Variants in STRN3 observed in about 807,000 individuals in gnomAD.
The protein encoded by STRN3 is striatin-3.
A neutral mutation model predicts 95.6 loss-of-function variants in STRN3; 29 were observed. That is an observed-to-expected ratio of 0.30 (90% CI 0.23 to 0.41). The LOEUF (loss-of-function observed/expected upper bound fraction) is 0.41, where lower values mean the gene tolerates loss of function less well. STRN3 is among the 10% of genes least tolerant of loss of function. STRN3 has a pLI of 1.00. For missense variants in STRN3, 890 were observed against 972.1 expected (o/e 0.92, Z 1.12); for synonymous variants, 331 against 357.6 (o/e 0.93, Z 0.84).
At chr14:30,965,913 T>C (rs1566462644) in intron 1 of STRN3, among the ~76,000 whole-genome samples, 1 of 152,180 alleles carries the variant, frequency 6.6e-6, no homozygotes, top group Non-Finnish European at 1.5e-5. Context: ...CTTTGCCTTC[T>C]ACTTTTAAAC....
intron 3 of STRN3, among the ~76,000 whole-genome samples, chr14:30,953,397 T>G (rs1010302138): frequency 4.6e-5 from 7 of 152,234 alleles, no homozygotes; most frequent in African/African-American, 1.7e-4. Context: ...CAGTTTTATG[T>G]GATTAAACCA....
chr14:30,917,577 A>G lies in STRN3; in HGVS notation c.1240+1389T>C, dbSNP rs1397581758. 2.0e-5 allele frequency among the ~76,000 whole-genome samples: 3 copies of G among 151,954 alleles called. 1 individual carries two copies. Among genetic ancestry groups the G allele is most frequent in the South Asian group, 4.1e-4 (2 of 4,832 alleles). ...ATTAAAAAAAAAAAAAGGAGTTGCTATGTGTATTTTAGAAAATACTTCTAA... is the reference window on the plus strand; with the variant it reads ...ATTAAAAAAAAAAAAAGGAGTTGCTGTGTGTATTTTAGAAAATACTTCTAA... On this transcript the variant is annotated intron_variant, in intron 9 of 17. Transcript: ENST00000357479.
At chr14:30,913,704 A>AC in intron 9 of STRN3, 47 bp from the exon 10 acceptor site, 1 of 1,584,180 alleles carries the variant, frequency 6.3e-7, no homozygotes, top group Non-Finnish European at 8.6e-7. Context: ...ATCATACAGT[A>AC]CAAGACAATA....
intron 5 of STRN3, among the ~76,000 whole-genome samples, chr14:30,946,390 A>C (rs1489456865): frequency 5.3e-5 from 8 of 152,014 alleles, no homozygotes; most frequent in African/African-American, 1.9e-4. Context: ...AAAAAATAAA[A>C]AAAATTAGCT....
Position 31,010,810 on chromosome 14 carries a change from G to A in STRN3, c.282+15094C>T, listed in dbSNP as rs534973448. ...TTCCAGCACTTTGGGAGGCCAAGGC[G>A]GGTAGATCACCTGAGGTCAGGAGTT... is the stretch of plus-strand genomic sequence containing the variant. On this transcript the variant is annotated intron_variant, in intron 1 of 17. Transcript: ENST00000357479. 2.6e-5 allele frequency among the ~76,000 whole-genome samples: 4 copies of A among 152,332 alleles called. No individual in the cohort carries two copies. The East Asian group carries it at 5.8e-4, about 22-fold the overall frequency.
intron 1 of STRN3, among the ~76,000 whole-genome samples, chr14:30,959,066 C>A (rs1880059470): frequency 6.6e-6 from 1 of 152,216 alleles, no homozygotes; most frequent in African/African-American, 2.4e-5. Flanking sequence ...GTGGCTCACA[C>A]CTGTAATCCC....
intron 6 of STRN3, 132 bp downstream of exon 6, chr14:30,936,363 C>A: frequency 2.0e-6 from 2 of 1,017,444 alleles, no homozygotes; most frequent in Non-Finnish European, 2.8e-6. Flanking sequence ...AAGAGCTGAC[C>A]ACATAAAACT....
chr14:30,952,728 C>T (rs1328711162), intron 3 of STRN3, among the ~76,000 whole-genome samples: 1 of 152,008 alleles, frequency 6.6e-6, no homozygotes, highest in East Asian at 1.9e-4. Flanking sequence ...AACACTTATT[C>T]TATCCCAAAC....
At chr14:30,988,940 C>T (rs565382079) in intron 1 of STRN3, among the ~76,000 whole-genome samples, 1 of 152,204 alleles carries the variant, frequency 6.6e-6, no homozygotes, top group African/African-American at 2.4e-5. Context: ...ACTAAGCCAC[C>T]CCCTCTGGAA....
chr14:30,919,201 T>G, intron 8 of STRN3, 95 bp from the exon 9 acceptor site: 1 of 1,262,004 alleles, frequency 7.9e-7, no homozygotes, highest in Non-Finnish European at 1.1e-6. Context: ...AACAGACTAT[T>G]AAGAAGTCCC....
rs202163574 is a variant in STRN3, at chr14:31,007,061, A to AT, written c.282+18842dup. Among the ~76,000 whole-genome samples the AT allele has an allele frequency of 8.6e-3, 1,316 of 152,294 alleles. 23 individuals are homozygous for AT. The highest frequency in any genetic ancestry group is 0.03 in the African/African-American group (1,239 of 41,564). On this transcript the variant is annotated intron_variant, in intron 1 of 17. Coordinates refer to ENST00000357479, the MANE Select transcript of STRN3 (RefSeq NM_001083893.2). Reference sequence around the variant, plus strand: ...TCAAGTGTGAAAATAAAATACAGACATTTTTTAAAAGAGGTTAAGTCCCTA... The same window carrying AT: ...TCAAGTGTGAAAATAAAATACAGACATTTTTTTAAAAGAGGTTAAGTCCCTA...
At chr14:30,902,470 A>G in intron 16 of STRN3, 66 bp downstream of exon 16, 1 of 1,122,628 alleles carries the variant, frequency 8.9e-7, no homozygotes, top group Non-Finnish European at 1.3e-6. Flanking sequence ...ATCTTACATA[A>G]AACAGCATTT....
At chr14:30,956,342 A>C in intron 1 of STRN3, 100 bp from the exon 2 acceptor site, 2 of 1,092,548 alleles carry the variant, frequency 1.8e-6, no homozygotes, top group Non-Finnish European at 2.7e-6. Context: ...CACTTGACTC[A>C]TGATATCAAG....
At chr14:30,973,728 T>C (rs1880953107) in intron 1 of STRN3, among the ~76,000 whole-genome samples, 1 of 152,110 alleles carries the variant, frequency 6.6e-6, no homozygotes, top group African/African-American at 2.4e-5. Flanking sequence ...CTCAACAAAA[T>C]ACTAGCAAAC....
intron 1 of STRN3, among the ~76,000 whole-genome samples, chr14:30,959,205 T>TA (rs1175032754): frequency 6.6e-6 from 1 of 152,096 alleles, no homozygotes; most frequent in Non-Finnish European, 1.5e-5. Context: ...GCACGCCTGT[T>TA]ATCCCAGCTA....
intron 16 of STRN3, among the ~76,000 whole-genome samples, chr14:30,898,852 A>T (rs781175723): frequency 7.2e-5 from 11 of 152,218 alleles, no homozygotes; most frequent in Non-Finnish European, 1.5e-4. Flanking sequence ...TTACTGGCTA[A>T]CACTGTGGGC....
Position 31,006,373 on chromosome 14 carries a change from C to T in STRN3, c.282+19531G>A, listed in dbSNP as rs376336678. Among the ~76,000 whole-genome samples, 34 of 152,026 alleles carry T rather than the reference C, an allele frequency of 2.2e-4. No homozygotes were observed. In the South Asian group the frequency reaches 4.4e-3, roughly 20 times the overall value. On this transcript the variant is annotated intron_variant, in intron 1 of 17. Coordinates refer to ENST00000357479, the MANE Select transcript of STRN3 (RefSeq NM_001083893.2). Reference sequence around the variant, plus strand: ...GGGTAGCTCTTGAGACTGGCCTGGGCAACACAGTGAGACCTCGTGTTTACT... The same window carrying T: ...GGGTAGCTCTTGAGACTGGCCTGGGTAACACAGTGAGACCTCGTGTTTACT...
rs148419547 is a variant in STRN3, at chr14:30,959,063, A to C, written c.283-2821T>G. On this transcript the variant is annotated intron_variant, in intron 1 of 17. Coordinates refer to ENST00000357479, the MANE Select transcript of STRN3 (RefSeq NM_001083893.2). ...TGGACTAGGGTGGGCATGGTGGCTC[A>C]CACCTGTAATCCCAGCACTTCCAGA... 5.3e-5 allele frequency among the ~76,000 whole-genome samples: 8 copies of C among 152,354 alleles called. No individual in the cohort carries two copies. In the East Asian group the frequency reaches 1.5e-3, roughly 29 times the overall value.
At chr14:30,940,947 A>G (rs566887026) in intron 5 of STRN3, among the ~76,000 whole-genome samples, 1 of 152,142 alleles carries the variant, frequency 6.6e-6, no homozygotes, top group Non-Finnish European at 1.5e-5. Context: ...GATGGTATTA[A>G]GAGGTGGGCC....
Sources: gnomAD v4.1 joint callset for allele counts (sites outside exome capture counted in the v4.1 genomes callset) on GRCh38, gnomAD v4.1.1 for gene constraint, MANE v1.5 for transcripts, NCBI Gene and HGNC (gene_info 2026-07-23, HGNC 2026-07-21) for gene names.